Variants in CFAP54 observed in about 807,000 individuals in gnomAD.
CFAP54 encodes cilia- and flagella-associated protein 54.
In CFAP54, 290 loss-of-function variants were observed where a neutral mutation model predicts 370.4. The ratio of observed to expected loss-of-function variants is 0.78; its 90% CI spans 0.71 to 0.86. The LOEUF is 0.86. CFAP54 is among the 40% of genes least tolerant of loss of function. CFAP54 has a pLI of 0.00. For synonymous variants in CFAP54, 1,206 were observed against 1,236.5 expected, an observed-to-expected ratio of 0.98 and a Z score of 0.52; for missense variants, 3,399 against 3,528.7, an observed-to-expected ratio of 0.96 and a Z score of 0.93.
intron 9 of CFAP54, among the ~76,000 whole-genome samples, chr12:96,532,037 T>C (rs1273187047): frequency 6.6e-6 from 1 of 152,248 alleles, no homozygotes; most frequent in East Asian, 1.9e-4. Context: ...TCAATGATGA[T>C]GTACTTTATA....
At chr12:96,555,559 AATAC>A (rs1955743103) in intron 17 of CFAP54, among the ~76,000 whole-genome samples, 1 of 146,752 alleles carries the variant, frequency 6.8e-6, no homozygotes, top group East Asian at 2.1e-4. Flanking sequence ...AATAATATAT[AATAC>A]ATAATATATA....
chr12:96,612,160 G>A (rs1956365493), intron 26 of CFAP54, among the ~76,000 whole-genome samples: 2 of 152,208 alleles, frequency 1.3e-5, no homozygotes. Flanking sequence ...TACCCACAAA[G>A]GGAAGCCCAT....
chr12:96,867,861 T>G (rs774351148), intron 67 of CFAP54, among the ~76,000 whole-genome samples: 3 of 152,188 alleles, frequency 2.0e-5, no homozygotes, highest in Non-Finnish European at 4.4e-5. Flanking sequence ...TAACAATGTG[T>G]TGTACGCTCA....
chr12:96,636,194 C>G (rs1471821558), intron 32 of CFAP54, among the ~76,000 whole-genome samples: 1 of 152,208 alleles, frequency 6.6e-6, no homozygotes, highest in African/African-American at 2.4e-5. Flanking sequence ...GAAGACCTCT[C>G]TGTGCCAGAA....
intron 50 of CFAP54, among the ~76,000 whole-genome samples, chr12:96,721,098 T>C (rs1410105726): frequency 6.6e-6 from 1 of 152,166 alleles, no homozygotes; most frequent in Non-Finnish European, 1.5e-5. Flanking sequence ...ATTTCATATA[T>C]AGAATGAACA....
Position 96,648,013 on chromosome 12 carries a change from A to G in CFAP54, c.4686A>G (p.Pro1562=), listed in dbSNP as rs868082614. The change falls in exon 34 of 68, where the codon CCA becomes CCG. Residue 1562 remains proline, a synonymous_variant. Transcript: ENST00000524981. ...CCAAAAAAAGAAAGGCCAACTTACC[A>G]TCAGGTAAAATAAACATGTTAGTTT... The part of the protein sequence containing the change: ...LTAKKRKANL[P]SDAEEFSTFI... The G allele has an allele frequency of 8.0e-6, 12 of 1,498,992 alleles. No individual in the cohort carries two copies. In the African/African-American group the frequency reaches 1.6e-4, roughly 19 times the overall value. The allele number at this position is 1,498,992 out of a possible 1,614,324, so 92.9% of individuals were successfully genotyped here.
intron 5 of CFAP54, among the ~76,000 whole-genome samples, chr12:96,513,711 C>G (rs1295280892): frequency 1.3e-5 from 2 of 151,884 alleles, no homozygotes. Context: ...ACTTTGCACT[C>G]TAGCCTGGGT....
Position 96,616,387 on chromosome 12 carries a change from A to G in CFAP54, c.3640-5203A>G, listed in dbSNP as rs371049450. ...TGGGGTGGTGGGAGGGGGGAGGGAT[A>G]GCATTAGGAGATATATCTAATGTAA... On this transcript the variant is annotated intron_variant, in intron 26 of 67. Transcript: ENST00000524981. Among the ~76,000 whole-genome samples the G allele has an allele frequency of 5.3e-4, 81 of 152,316 alleles. No individual in the cohort carries two copies. In the South Asian group the frequency reaches 9.5e-3, roughly 18 times the overall value.
intron 36 of CFAP54, among the ~76,000 whole-genome samples, chr12:96,656,330 A>C (rs1956922872): frequency 6.7e-6 from 1 of 149,918 alleles, no homozygotes; most frequent in African/African-American, 2.4e-5. Context: ...GATTGGGATC[A>C]ACTGAGAGAT....
chr12:96,784,918 A>G, intron 61 of CFAP54, 28 bp downstream of exon 61: 1 of 1,393,574 alleles, frequency 7.2e-7, no homozygotes. Context: ...TTAAGAGAGA[A>G]CATATTTCTT....
intron 67 of CFAP54, among the ~76,000 whole-genome samples, chr12:96,863,505 G>C (rs531324823): frequency 6.6e-6 from 1 of 152,154 alleles, no homozygotes; most frequent in Non-Finnish European, 1.5e-5. Context: ...AAATCCTCCC[G>C]GAAGAATCTG....
chr12:96,748,585 C>T (rs949365711), intron 55 of CFAP54, among the ~76,000 whole-genome samples: 1 of 152,170 alleles, frequency 6.6e-6, no homozygotes, highest in Non-Finnish European at 1.5e-5. Context: ...TTCTTGCACT[C>T]TGACAGGTGA....
intron 26 of CFAP54, among the ~76,000 whole-genome samples, chr12:96,602,547 A>G (rs1956254855): frequency 2.0e-5 from 3 of 152,162 alleles, no homozygotes; most frequent in African/African-American, 7.2e-5. Context: ...TCTAATATTG[A>G]CAGTGGGGTG....
At chr12:96,497,585 C>A (rs996080648) in intron 1 of CFAP54, among the ~76,000 whole-genome samples, 2 of 152,188 alleles carry the variant, frequency 1.3e-5, no homozygotes, top group African/African-American at 4.8e-5. Context: ...CCTTGCCAGG[C>A]GTGACCCATG....
At chr12:96,546,368 C>G (rs1955640008) in intron 14 of CFAP54, among the ~76,000 whole-genome samples, 1 of 152,060 alleles carries the variant, frequency 6.6e-6, no homozygotes. Flanking sequence ...TTGTTTTTTT[C>G]TCCACACTTC....
At chr12:96,744,860 C>G (rs182573846) in intron 55 of CFAP54, among the ~76,000 whole-genome samples, 11 of 152,104 alleles carry the variant, frequency 7.2e-5, no homozygotes, top group African/African-American at 2.7e-4. Flanking sequence ...TGCTCTACCC[C>G]CCAGTAGGTC....
chr12:96,532,604 C>A (rs1955451693), intron 9 of CFAP54, among the ~76,000 whole-genome samples: 1 of 152,088 alleles, frequency 6.6e-6, no homozygotes, highest in Non-Finnish European at 1.5e-5. Flanking sequence ...CTCCAAGTGT[C>A]CAAGTGGTCC....
In CFAP54 at chr12:96,537,817, G is replaced by A. The variant is rs964408223; in HGVS notation, c.1792-567G>A. On this transcript the variant is annotated intron_variant, in intron 12 of 67. Coordinates refer to ENST00000524981, the MANE Select transcript of CFAP54 (RefSeq NM_001306084.2). ...AGAGTGATGGATCTAGGTGGGTCAC[G>A]GTGGCTCACACTGTAATCCCAGTAC... Among the ~76,000 whole-genome samples the A allele has an allele frequency of 3.9e-5, 6 of 151,924 alleles. 1 individual carries two copies. The highest frequency in any genetic ancestry group is 3.3e-4 in the Admixed American group (5 of 15,250).
At position 96,697,715 on chromosome 12, in the gene CFAP54, A is replaced by T. The variant is rs138198735; in HGVS notation, c.6352-2256A>T. On this transcript the variant is annotated intron_variant, in intron 45 of 67. Transcript: ENST00000524981. ...TGTATTTACATGTTAATCTAATTTC[A>T]TACTTTATTCTCTGCTTCCACATTT... Among the ~76,000 whole-genome samples, 798 of 152,230 alleles carry T rather than the reference A, an allele frequency of 5.2e-3. 5 individuals are homozygous for T. Among genetic ancestry groups the T allele is most frequent in the African/African-American group, 0.018 (762 of 41,532 alleles).
Sources: gnomAD v4.1 joint callset for allele counts (sites outside exome capture counted in the v4.1 genomes callset) on GRCh38, gnomAD v4.1.1 for gene constraint, MANE v1.5 for transcripts, NCBI Gene and HGNC (gene_info 2026-07-23, HGNC 2026-07-21) for gene names.